VPS8: variants seen among roughly 807,000 people sequenced by gnomAD.
VPS8 encodes vacuolar protein sorting-associated protein 8 homolog.
Under a neutral mutation model 216.4 loss-of-function variants are expected in VPS8, and 129 were observed. The observed-to-expected ratio is 0.60, with a 90% CI of 0.52 to 0.69. The LOEUF (loss-of-function observed/expected upper bound fraction) is 0.69. Among genes scored for constraint, VPS8 ranks in the 30% least tolerant of loss-of-function variants. VPS8 has a pLI of 0.00. For missense variants in VPS8, 1,531 were observed against 1,683.5 expected (o/e 0.91, Z 1.59); for synonymous variants, 571 against 565.4 (o/e 1.01, Z -0.14).
intron 23 of VPS8, among the ~76,000 whole-genome samples, chr3:184,895,883 C>T (rs1035814340): frequency 6.6e-5 from 10 of 151,220 alleles, no homozygotes; most frequent in Non-Finnish European, 1.2e-4. Flanking sequence ...ATTCGCCTGC[C>T]GTGGCCTTCC....
intron 15 of VPS8, 27 bp downstream of exon 15, chr3:184,860,092 C>G (rs201764562): frequency 1.3e-6 from 2 of 1,514,972 alleles, no homozygotes; most frequent in African/African-American, 2.7e-5. Flanking sequence ...TTAAATATCC[C>G]CATTTAGTTC....
At chr3:184,937,180 A>G (rs534462749) in intron 35 of VPS8, among the ~76,000 whole-genome samples, 1 of 152,358 alleles carries the variant, frequency 6.6e-6, no homozygotes, top group South Asian at 2.1e-4. Flanking sequence ...TAGAAGTACT[A>G]TTGAATGGAC....
At chr3:184,926,572 A>T in intron 30 of VPS8, 22 bp from the exon 31 acceptor site, 1 of 1,571,230 alleles carries the variant, frequency 6.4e-7, no homozygotes, top group Non-Finnish European at 8.6e-7. Context: ...TATCAAATAA[A>T]AAATACTTTT....
chr3:184,939,971 G>A (rs995567430), intron 35 of VPS8, among the ~76,000 whole-genome samples: 6 of 152,102 alleles, frequency 3.9e-5, no homozygotes, highest in Non-Finnish European at 7.4e-5. Flanking sequence ...TAGGGTGTTT[G>A]TGTTCCGTTT....
intron 21 of VPS8, among the ~76,000 whole-genome samples, chr3:184,884,055 T>C (rs905983501): frequency 3.9e-5 from 6 of 152,198 alleles, no homozygotes; most frequent in Admixed American, 2.6e-4. Context: ...TTCAAGTATC[T>C]GAGGAGTATC....
intron 19 of VPS8, 58 bp downstream of exon 19, chr3:184,869,094 T>C (rs1375792395): frequency 2.0e-6 from 3 of 1,496,622 alleles, no homozygotes; most frequent in African/African-American, 1.4e-5. Context: ...GAGGGAATGG[T>C]TAGTACTAAC....
intron 45 of VPS8, among the ~76,000 whole-genome samples, chr3:185,016,243 A>G (rs1026408575): frequency 4.6e-5 from 7 of 152,374 alleles, no homozygotes; most frequent in East Asian, 1.9e-4. Context: ...GTCATTTACT[A>G]AGGCCCCTAA....
chr3:185,027,336 G>A (rs1029968770), intron 46 of VPS8, among the ~76,000 whole-genome samples: 7 of 142,746 alleles, frequency 4.9e-5, no homozygotes, highest in East Asian at 2.2e-4. Context: ...TTCGCCTCCC[G>A]GGTTCACGCC....
At chr3:185,024,218 C>T in intron 45 of VPS8, 118 bp from the exon 46 acceptor site, 1 of 926,030 alleles carries the variant, frequency 1.1e-6, no homozygotes, top group Non-Finnish European at 1.6e-6. Flanking sequence ...TTAATTTCCT[C>T]TGGAAATGTC....
intron 46 of VPS8, among the ~76,000 whole-genome samples, chr3:185,034,613 TTGTTG>T (rs1758625885): frequency 3.1e-5 from 3 of 95,314 alleles, no homozygotes; most frequent in East Asian, 4.0e-4. Flanking sequence ...GATAGTTTTG[TTGTTG>T]TTGTTGTTGT....
intron 46 of VPS8, among the ~76,000 whole-genome samples, chr3:185,036,614 A>G (rs774442174): frequency 6.6e-6 from 1 of 151,826 alleles, no homozygotes; most frequent in Non-Finnish European, 1.5e-5. Flanking sequence ...AGGATTTACC[A>G]TATGCATCCT....
chr3:184,891,784 G>C (rs1409165099), intron 22 of VPS8, among the ~76,000 whole-genome samples: 1 of 152,080 alleles, frequency 6.6e-6, no homozygotes, highest in African/African-American at 2.4e-5. Context: ...TGTATTTGGT[G>C]GGAATTTACT....
At chr3:184,950,242 T>TTTTTTTTTTTTTTTC (rs1744447907) in intron 36 of VPS8, among the ~76,000 whole-genome samples, 1 of 142,582 alleles carries the variant, frequency 7.0e-6, no homozygotes, top group East Asian at 2.1e-4. Flanking sequence ...TTTTTTTTTT[T>TTTTTTTTTTTTTTTC]TTACTCTAGC....
chr3:184,893,208 T>A, intron 22 of VPS8: 1 of 1,239,432 alleles, frequency 8.1e-7, no homozygotes, highest in Non-Finnish European at 1.0e-6. Context: ...TTGTAGCCAG[T>A]CTGTTTTCCA....
chr3:185,025,456 C>T (rs1441817363), intron 46 of VPS8, among the ~76,000 whole-genome samples: 3 of 152,186 alleles, frequency 2.0e-5, no homozygotes, highest in Admixed American at 2.0e-4. Context: ...GAGGTTTTAG[C>T]TTCAAAGCAA....
At chr3:184,818,381 G>C (rs1421758332) in intron 1 of VPS8, among the ~76,000 whole-genome samples, 1 of 151,954 alleles carries the variant, frequency 6.6e-6, no homozygotes, top group Non-Finnish European at 1.5e-5. Flanking sequence ...AAATTAGCTG[G>C]GCATGGTGGT....
intron 30 of VPS8, among the ~76,000 whole-genome samples, chr3:184,926,157 C>CTT (rs1739583520): frequency 6.6e-6 from 1 of 150,996 alleles, no homozygotes; most frequent in African/African-American, 2.4e-5. Context: ...GGGCGGATCA[C>CTT]GAGGTCAGGA....
At chr3:185,017,226 G>A (rs1050565683) in intron 45 of VPS8, among the ~76,000 whole-genome samples, 2 of 152,092 alleles carry the variant, frequency 1.3e-5, no homozygotes, top group African/African-American at 4.8e-5. Flanking sequence ...TAATACTTCA[G>A]GGGCTTTACC....
chr3:184,840,756 G>T (rs571502097), intron 7 of VPS8, among the ~76,000 whole-genome samples: 136 of 149,350 alleles, frequency 9.1e-4, no homozygotes, highest in African/African-American at 3.1e-3. Context: ...TAGTTTTTTT[G>T]GGGGGGGTCA....
Sources: allele counts gnomAD v4.1 joint callset (sites outside exome capture counted in the v4.1 genomes callset), GRCh38; gene constraint gnomAD v4.1.1; transcripts MANE v1.5; gene names NCBI Gene and HGNC (gene_info 2026-07-23, HGNC 2026-07-21).